The following BRAT1 variants were observed in gnomAD, a reference collection of about 807,000 sequenced individuals.
BRAT1 encodes the protein integrator complex assembly factor BRAT1.
BRAT1 carries 74 observed loss-of-function variants against 70.6 expected under a neutral mutation model. That is an observed-to-expected ratio of 1.05 (90% confidence interval 0.87 to 1.27). The LOEUF (loss-of-function observed/expected upper bound fraction) is 1.27. BRAT1 is among the 50% of genes most tolerant of loss of function. The probability of loss-of-function intolerance (pLI) is 0.00; values close to 1 mark genes in which losing one functional copy is unlikely to be tolerated. For missense variants in BRAT1, 1,203 were observed against 1,098.2 expected (o/e 1.10, Z -1.35); for synonymous variants, 615 against 517.1 (o/e 1.19, Z -2.57).
At chr7:2,539,029 C>A (rs1778924353) in intron 13 of BRAT1, 150 bp downstream of exon 13, 3 of 1,438,570 alleles carry the variant, frequency 2.1e-6, no homozygotes, top group Middle Eastern at 2.6e-4. Flanking sequence ...CCCAGCACAG[C>A]CCCAGGGCCT....
In BRAT1 at chr7:2,542,244, C is replaced by T. The variant is rs1469693711; in HGVS notation, c.924-33G>A. 2.0e-6 allele frequency: 3 copies of T among 1,523,694 alleles called. No individual in the cohort carries two copies. In the South Asian group the frequency reaches 3.6e-5, roughly 18 times the overall value. 94.4% of individuals were successfully genotyped at this position (1,523,694 alleles called of 1,614,324 possible). On this transcript the variant is annotated intron_variant, in intron 6 of 13. Coordinates refer to ENST00000340611, the MANE Select transcript of BRAT1 (RefSeq NM_152743.4). ...CAAACGCGAGGTGAGTGCCGCGACC[C>T]TGGCTGCGAGACAAGTTGGCTGTGC...
chr7:2,553,828 T>C (rs894473082), intron 2 of BRAT1, among the ~76,000 whole-genome samples: 1 of 151,416 alleles, frequency 6.6e-6, no homozygotes, highest in Non-Finnish European at 1.5e-5. Context: ...TTTTTTTTTT[T>C]AGAGATGACG....
chr7:2,547,750 T>C (rs1779721677), intron 2 of BRAT1, among the ~76,000 whole-genome samples: 1 of 151,868 alleles, frequency 6.6e-6, no homozygotes, highest in Admixed American at 6.6e-5. Flanking sequence ...GCTGAAAAAA[T>C]GTTCTGTCTC....
At chr7:2,551,415 G>C (rs1200625504) in intron 2 of BRAT1, among the ~76,000 whole-genome samples, 1 of 151,834 alleles carries the variant, frequency 6.6e-6, no homozygotes, top group Non-Finnish European at 1.5e-5. Context: ...TACAGGCCAG[G>C]CATGGTGGCT....
intron 2 of BRAT1, among the ~76,000 whole-genome samples, chr7:2,550,149 T>C (rs2128408252): frequency 7.3e-6 from 1 of 137,780 alleles, no homozygotes; most frequent in East Asian, 2.1e-4. Flanking sequence ...AGTGACAGAG[T>C]GAGACCCTGT....
At chr7:2,542,082 C>A in intron 7 of BRAT1, 38 bp downstream of exon 7, 1 of 1,464,008 alleles carries the variant, frequency 6.8e-7, no homozygotes, top group Non-Finnish European at 9.1e-7. Flanking sequence ...CCGCAGGGAC[C>A]CAGGTTCTGC....
At chr7:2,540,877 GGCCCCATCCGCAGA>G in intron 10 of BRAT1, 88 bp downstream of exon 10, 1 of 1,192,692 alleles carries the variant, frequency 8.4e-7, no homozygotes, top group Non-Finnish European at 1.1e-6. Flanking sequence ...CCTGTGTGAA[GGCCCCATCCGCAGA>G]GGCCTGCACG....
Position 2,543,802 on chromosome 7 carries a change from C to T in BRAT1, c.591G>A (p.Lys197=), listed in dbSNP as rs780216063. ...PGGDWPACAQ[K]IMDHVEESLC... ...AGGACTCTTCAACGTGATCCATGAT[C>T]TTCTGGGCACACGCGGGCCAGTCAC... Residue 197 remains lysine (K), a synonymous_variant, in exon 5 of 14, where the codon AAG becomes AAA. Coordinates refer to ENST00000340611, the MANE Select transcript of BRAT1 (RefSeq NM_152743.4). This position sits in a 1 kb window ranked among gnomAD's most constrained non-coding sequence, Gnocchi z 5.5. 1 of 1,612,794 alleles carries T rather than the reference C, an allele frequency of 6.2e-7. No homozygotes were observed. Among genetic ancestry groups the T allele is most frequent in the South Asian group, 1.1e-5 (1 of 90,998 alleles).
At position 2,554,405 on chromosome 7, in the gene BRAT1, G is replaced by A. The variant is rs1417158327; in HGVS notation, c.27C>T (p.Leu9=). MDPECAQL[L]PALCAVLVDP... The stretch of plus-strand genomic sequence containing the variant: ...CTACCAGAACAGCACAGAGAGCCGG[G>A]AGCAGCTGGGCGCATTCTGGGTCCA... Residue 9 remains leucine, a synonymous_variant, in exon 2 of 14, where the codon CTC becomes CTT. Coordinates refer to ENST00000340611, the MANE Select transcript of BRAT1 (RefSeq NM_152743.4). 1 of 1,613,800 alleles carries A rather than the reference G, an allele frequency of 6.2e-7. No homozygotes were observed.
intron 10 of BRAT1, 65 bp from the exon 11 acceptor site, chr7:2,539,953 C>T: frequency 8.2e-7 from 1 of 1,222,300 alleles, no homozygotes; most frequent in South Asian, 1.6e-5. Context: ...TGTCTGTCCC[C>T]CTCGCCTTCA....
Position 2,543,360 on chromosome 7 carries a change from AC to A in BRAT1, c.804-38del, listed in dbSNP as rs1779333387. On this transcript the variant is annotated intron_variant, in intron 5 of 13. Coordinates refer to ENST00000340611, the MANE Select transcript of BRAT1 (RefSeq NM_152743.4). This position sits in a 1 kb window ranked among gnomAD's most constrained non-coding sequence, Gnocchi z 5.5. ...CCCCAGAGAGAAAAATTACTCCCCC[AC>A]CCTCAAAACCCCATTCGAGGCCTGG... 6.5e-7 allele frequency: 1 copy of A among 1,535,032 alleles called. No homozygotes were observed. Among genetic ancestry groups the A allele is most frequent in the Non-Finnish European group, 8.8e-7 (1 of 1,139,412 alleles).
chr7:2,545,510 T>TTTTTTTTTTTA (rs1779546201), intron 3 of BRAT1, among the ~76,000 whole-genome samples: 2 of 149,970 alleles, frequency 1.3e-5, no homozygotes, highest in African/African-American at 4.9e-5. Context: ...TTTTTTTTTT[T>TTTTTTTTTTTA]GAGACAGTCC....
In BRAT1 at chr7:2,539,059, C is replaced by G. The variant is rs542479343; in HGVS notation, c.1770+120G>C. 6.8e-6 allele frequency: 10 copies of G among 1,464,724 alleles called. No individual in the cohort carries two copies. In the Admixed American group the frequency reaches 7.0e-5, roughly 10 times the overall value. 90.7% of individuals were successfully genotyped at this position (1,464,724 alleles called of 1,614,324 possible). ...GGGCCTCGGCAGTCACTGCTGCAGG[C>G]GCTGCCCACAGCAGCAGCTGCTCCC... On this transcript the variant is annotated intron_variant, in intron 13 of 13. Transcript: ENST00000340611.
chr7:2,548,150 T>G (rs140396797), intron 2 of BRAT1, among the ~76,000 whole-genome samples: 1 of 152,124 alleles, frequency 6.6e-6, no homozygotes, highest in East Asian at 1.9e-4. Flanking sequence ...TGGGTACTTT[T>G]CCTTAGACAG....
rs7459244 is a variant in BRAT1 at position 2,546,949 on chromosome 7, G to C, written c.282+375C>G. Among the ~76,000 whole-genome samples the C allele has an allele frequency of 2.5e-3, 145 of 56,888 alleles. 1 individual carries two copies. The highest frequency in any genetic ancestry group is 0.018 in the African/African-American group (126 of 6,860). The allele number at this position is 56,888 out of a possible 152,430, so 37.3% of individuals were successfully genotyped here. ...TCCCAGGAAGAGACGGGGGCCACGG[G>C]GCAGCTACGACTCCTGTCTCCGTCC... On this transcript the variant is annotated intron_variant, in intron 3 of 13. Coordinates refer to ENST00000340611, the MANE Select transcript of BRAT1 (RefSeq NM_152743.4).
chr7:2,545,085 G>C (rs1219071130), intron 3 of BRAT1, 29 bp from the exon 4 acceptor site: 2 of 1,463,560 alleles, frequency 1.4e-6, no homozygotes, highest in African/African-American at 2.8e-5. Context: ...AGTGAGGGTG[G>C]CCAGGCGCAG....
At position 2,539,181 on chromosome 7, in the gene BRAT1, G is replaced by T; in HGVS notation, c.1768C>A (p.Gln590Lys). ...PTSPEHAEAR[Q>K]SLFLELLHIL... ...CTGAGGAACCTGCCACCTCCTACCT[G>T]CCGGGCCTCTGCATGCTCAGGGCTG... The change falls in exon 13 of 14, where the codon CAG becomes AAG. Residue 590 changes from glutamine (Q) to lysine (K), a missense_variant and splice_region_variant. Gln to Lys is a moderately conservative substitution (Grantham distance 53, BLOSUM62 1). Coordinates refer to ENST00000340611, the MANE Select transcript of BRAT1 (RefSeq NM_152743.4). 1 of 1,597,106 alleles carries T rather than the reference G, an allele frequency of 6.3e-7. No homozygotes were observed.
intron 2 of BRAT1, among the ~76,000 whole-genome samples, chr7:2,552,216 C>G (rs1414848214): frequency 5.0e-5 from 7 of 140,022 alleles, no homozygotes; most frequent in African/African-American, 1.9e-4. Flanking sequence ...CTCCCAGGTT[C>G]AAGTGATTCT....
At chr7:2,554,596 G>A in intron 1 of BRAT1, 149 bp from the exon 2 acceptor site, 2 of 1,029,884 alleles carry the variant, frequency 1.9e-6, no homozygotes, top group Non-Finnish European at 2.7e-6. Context: ...CCAGACCAGA[G>A]GTCTGTACTG....
Sources: allele counts gnomAD v4.1 joint callset (sites outside exome capture counted in the v4.1 genomes callset), GRCh38; gene constraint gnomAD v4.1.1; non-coding constraint Gnocchi (gnomAD v3.1); transcripts MANE v1.5; gene names NCBI Gene and HGNC (gene_info 2026-07-23, HGNC 2026-07-21).